GABRB3: variants seen among roughly 807,000 people sequenced by gnomAD.
The protein encoded by GABRB3 is gamma-aminobutyric acid type A receptor subunit beta3.
GABRB3 carries 14 observed loss-of-function variants against 52.1 expected under a neutral mutation model. The observed-to-expected ratio is 0.27, with a 90% confidence interval of 0.18 to 0.42. The LOEUF is 0.42. Ranked by LOEUF, GABRB3 falls within the 10% of genes least tolerant of loss-of-function variation. GABRB3 has a pLI of 1.00. For synonymous variants in GABRB3, 260 were observed against 232.3 expected, an observed-to-expected ratio of 1.12 and a Z score of -1.08; for missense variants, 307 against 609.1, an observed-to-expected ratio of 0.50 and a Z score of 5.22.
rs759886148 is a variant in GABRB3 at position 26,629,040 on chromosome 15, A to C, written c.241-7506T>G. ...GGAGTCTCCCGGTATCCCGGTGCTGAGGTCCCAAAGACTCCGAGAGCCTCC... is the reference window on the plus strand; with the variant it reads ...GGAGTCTCCCGGTATCCCGGTGCTGCGGTCCCAAAGACTCCGAGAGCCTCC... On this transcript the variant is annotated intron_variant, in intron 3 of 8. Coordinates refer to ENST00000311550, the MANE Select transcript of GABRB3 (RefSeq NM_000814.6). 1.3e-4 allele frequency: 199 copies of C among 1,536,130 alleles called. 2 individuals carry two copies. The highest frequency in any genetic ancestry group is 3.3e-4 in the Middle Eastern group (2 of 5,990).
At chr15:26,646,705 C>T (rs57010365) in intron 3 of GABRB3, among the ~76,000 whole-genome samples, 1,778 of 152,228 alleles carry the variant, frequency 0.012, 38 homozygotes, top group African/African-American at 0.041. Context: ...CTCATCAACA[C>T]TTATTATTTT....
intron 4 of GABRB3, chr15:26,614,857 C>T (rs1892198412): frequency 6.6e-6 from 1 of 152,114 alleles, no homozygotes; most frequent in South Asian, 2.1e-4. Context: ...CAAGTGGGAA[C>T]TTTATAATGT....
chr15:26,589,044 A>ACCGTTCC (rs1278012131), intron 4 of GABRB3, among the ~76,000 whole-genome samples: 1 of 152,134 alleles, frequency 6.6e-6, no homozygotes, highest in Non-Finnish European at 1.5e-5. Flanking sequence ...ACCCTTAGAG[A>ACCGTTCC]CCGTTCCCTG....
At chr15:26,573,119 G>A (rs1484042930) in intron 6 of GABRB3, among the ~76,000 whole-genome samples, 1 of 152,170 alleles carries the variant, frequency 6.6e-6, no homozygotes, top group African/African-American at 2.4e-5. Flanking sequence ...AAATGCAGCA[G>A]AGCTCACTTA....
intron 3 of GABRB3, among the ~76,000 whole-genome samples, chr15:26,683,499 G>T (rs1419418956): frequency 6.6e-6 from 1 of 152,204 alleles, no homozygotes; most frequent in African/African-American, 2.4e-5. Flanking sequence ...GCTTTAAAAG[G>T]TTGGTGAATG....
intron 3 of GABRB3, among the ~76,000 whole-genome samples, chr15:26,655,890 A>T (rs1352180961): frequency 6.6e-6 from 1 of 152,078 alleles, no homozygotes; most frequent in Admixed American, 6.6e-5. Context: ...TTTCATTTAC[A>T]TTTTTTATTT....
intron 8 of GABRB3, among the ~76,000 whole-genome samples, chr15:26,560,169 C>T (rs1889925381): frequency 6.6e-6 from 1 of 152,198 alleles, no homozygotes; most frequent in African/African-American, 2.4e-5. Flanking sequence ...ATGATTTTGG[C>T]TTCTCCAGCA....
intron 3 of GABRB3, among the ~76,000 whole-genome samples, chr15:26,750,884 A>G (rs1890487405): frequency 6.6e-6 from 1 of 152,242 alleles, no homozygotes; most frequent in Non-Finnish European, 1.5e-5. Flanking sequence ...CTCAGTTTCT[A>G]TCATGAATTA....
At chr15:26,606,147 G>C (rs962474888) in intron 4 of GABRB3, among the ~76,000 whole-genome samples, 1 of 152,118 alleles carries the variant, frequency 6.6e-6, no homozygotes, top group Non-Finnish European at 1.5e-5. Context: ...TTCAACATGA[G>C]ATGTGGACAG....
chr15:26,642,412 T>C, intron 3 of GABRB3: 2 of 1,165,478 alleles, frequency 1.7e-6, no homozygotes, highest in South Asian at 2.6e-5. Context: ...GGGGCAACTG[T>C]GTATATATAT....
chr15:26,547,962 T>A lies in GABRB3; in HGVS notation c.1253A>T (p.Asp418Val). Residue 418 changes from aspartate (D) to valine (V), a missense_variant, in exon 9 of 9, where the codon GAC becomes GTC. Around this residue, in one of 6 missense-constraint regions of GABRB3, gnomAD observed 115 missense variants for 166.9 expected, o/e 0.69. Transcript: ENST00000311550. The stretch of plus-strand genomic sequence containing the variant: ...GGTCTTCTTGTGCGGGAGGCTTCTG[T>A]CCCCCAGGAATCGCCCATGCCCTTC... ...PREGHGRFLGDRSLPHKKTHL... is the reference protein window; with the variant it reads ...PREGHGRFLGVRSLPHKKTHL... 2 of 1,614,106 alleles carry A rather than the reference T, an allele frequency of 1.2e-6. No homozygotes were observed. Among genetic ancestry groups the A allele is most frequent in the Non-Finnish European group, 1.7e-6 (2 of 1,180,028 alleles).
chr15:26,709,383 A>T (rs573011367), intron 3 of GABRB3, among the ~76,000 whole-genome samples: 3 of 152,130 alleles, frequency 2.0e-5, no homozygotes, highest in Admixed American at 6.5e-5. Flanking sequence ...TCCATAGGAC[A>T]TGCTGACCCT....
intron 3 of GABRB3, among the ~76,000 whole-genome samples, chr15:26,709,084 T>C (rs997648113): frequency 6.6e-6 from 1 of 152,256 alleles, no homozygotes; most frequent in Non-Finnish European, 1.5e-5. Context: ...AGTTTATAGA[T>C]AAAACAATCA....
intron 3 of GABRB3, among the ~76,000 whole-genome samples, chr15:26,735,940 G>C (rs1890054008): frequency 6.8e-6 from 1 of 146,980 alleles, no homozygotes; most frequent in South Asian, 2.1e-4. Flanking sequence ...GGGCAACAGA[G>C]AGAGACCTTG....
chr15:26,742,117 T>C (rs889113512), intron 3 of GABRB3, among the ~76,000 whole-genome samples: 2 of 152,180 alleles, frequency 1.3e-5, no homozygotes, highest in Admixed American at 1.3e-4. Context: ...ATATCCTTAG[T>C]AATGCTGGGT....
chr15:26,700,648 G>A (rs1888898371), intron 3 of GABRB3, among the ~76,000 whole-genome samples: 1 of 152,186 alleles, frequency 6.6e-6, no homozygotes, highest in African/African-American at 2.4e-5. Context: ...TTCAAGGAAA[G>A]TTTAACTTTT....
intron 3 of GABRB3, among the ~76,000 whole-genome samples, chr15:26,639,972 C>T (rs1041131291): frequency 2.6e-5 from 4 of 152,076 alleles, no homozygotes; most frequent in Non-Finnish European, 5.9e-5. Context: ...TTGTAAAAAT[C>T]GCCATATTTT....
At chr15:26,773,123 G>T, upstream of GABRB3, 1 of 627,900 alleles carries the variant, frequency 1.6e-6, no homozygotes, top group Non-Finnish European at 2.0e-6. Flanking sequence ...GCGGGCGCTG[G>T]GAGAGGAAGG....
chr15:26,705,336 C>A (rs1889064827), intron 3 of GABRB3, among the ~76,000 whole-genome samples: 1 of 152,144 alleles, frequency 6.6e-6, no homozygotes, highest in Admixed American at 6.5e-5. Context: ...AAAGGCTACA[C>A]CTCTTAATAT....
Sources: allele counts gnomAD v4.1 joint callset (sites outside exome capture counted in the v4.1 genomes callset), GRCh38; gene constraint gnomAD v4.1.1; regional missense constraint gnomAD v4.1.1; transcripts MANE v1.5; gene names NCBI Gene and HGNC (gene_info 2026-07-23, HGNC 2026-07-21).